The following PLXDC1 variants were observed in gnomAD, a reference collection of about 807,000 sequenced individuals.
PLXDC1 encodes the protein plexin domain-containing protein 1.
PLXDC1 carries 39 observed loss-of-function variants against 61.3 expected under a neutral mutation model. That is an observed-to-expected ratio of 0.64 (90% confidence interval 0.49 to 0.83). The LOEUF (loss-of-function observed/expected upper bound fraction) is 0.83. Ranked by LOEUF, PLXDC1 falls within the 40% of genes least tolerant of loss-of-function variation. The pLI is 0.00. For missense variants in PLXDC1, 596 were observed against 666.5 expected (o/e 0.89, Z 1.17); for synonymous variants, 212 against 254.5 (o/e 0.83, Z 1.59).
At chr17:39,132,481 T>C (rs2143880990) in intron 2 of PLXDC1, among the ~76,000 whole-genome samples, 1 of 152,204 alleles carries the variant, frequency 6.6e-6, no homozygotes, top group African/African-American at 2.4e-5. Flanking sequence ...TCCACTGTGA[T>C]GTGGTGGTAG....
chr17:39,114,233 C>T (rs1231669074), intron 2 of PLXDC1, among the ~76,000 whole-genome samples: 1 of 152,188 alleles, frequency 6.6e-6, no homozygotes, highest in African/African-American at 2.4e-5. Context: ...TCCTTCCCCA[C>T]GTGTGGTGGT....
At chr17:39,080,094 A>T (rs1909497212) in intron 9 of PLXDC1, 1 of 154,784 alleles carries the variant, frequency 6.5e-6, no homozygotes, top group Non-Finnish European at 1.4e-5. Flanking sequence ...AGGATTAGGA[A>T]GGCTATTGGA....
intron 13 of PLXDC1, 108 bp from the exon 14 acceptor site, chr17:39,068,067 G>A (rs1908965043): frequency 9.7e-7 from 1 of 1,026,150 alleles, no homozygotes; most frequent in Non-Finnish European, 1.4e-6. Context: ...AAGGGCCCTG[G>A]GGCACTTGGG....
At chr17:39,083,678 TC>T in intron 8 of PLXDC1, 138 bp from the exon 9 acceptor site, 1 of 696,746 alleles carries the variant, frequency 1.4e-6, no homozygotes, top group Non-Finnish European at 2.6e-6. Context: ...TAATGCCACC[TC>T]CCTTGGTCCA....
chr17:39,151,385 G>A lies in PLXDC1; in HGVS notation c.53C>T (p.Ala18Val). 7.7e-7 allele frequency: 1 copy of A among 1,292,730 alleles called. No homozygotes were observed. The highest frequency in any genetic ancestry group is 9.8e-7 in the Non-Finnish European group (1 of 1,018,926). The allele number at this position is 1,292,730 out of a possible 1,614,324, so 80.1% of individuals were successfully genotyped here. ...LVLVLREAAR[A>V]LSPQPGAGHD... ...ACCTGCTCCGGGCTGGGGGCTCAGCGCCCGGGCAGCCTCCCTGAGCACCAG... is the reference window on the plus strand; with the variant it reads ...ACCTGCTCCGGGCTGGGGGCTCAGCACCCGGGCAGCCTCCCTGAGCACCAG... The change falls in exon 1 of 14, where the codon GCG becomes GTG. Residue 18 changes from alanine to valine, a missense_variant. Transcript: ENST00000315392. The surrounding 1 kb of genome is among the most constrained non-coding windows in gnomAD (Gnocchi z 5.2).
chr17:39,142,471 C>A (rs528243260), intron 1 of PLXDC1, among the ~76,000 whole-genome samples: 1 of 152,154 alleles, frequency 6.6e-6, no homozygotes, highest in Non-Finnish European at 1.5e-5. Context: ...CTGGAGGTTG[C>A]GAAATGGCTT....
At chr17:39,105,242 G>A (rs767821488) in intron 7 of PLXDC1, among the ~76,000 whole-genome samples, 26 of 152,302 alleles carry the variant, frequency 1.7e-4, no homozygotes, top group Non-Finnish European at 8.8e-5. Context: ...TGCCTGCCGC[G>A]CTCCCCAGGA....
chr17:39,106,275 G>C (rs1055348422), intron 6 of PLXDC1, among the ~76,000 whole-genome samples: 4 of 151,618 alleles, frequency 2.6e-5, no homozygotes, highest in African/African-American at 9.7e-5. Context: ...AACCTGCTAA[G>C]TGGCTCTCAA....
At chr17:39,100,170 T>C (rs528938647) in intron 7 of PLXDC1, among the ~76,000 whole-genome samples, 15 of 152,252 alleles carry the variant, frequency 9.9e-5, no homozygotes, top group East Asian at 9.6e-4. Context: ...ATGAAAGCTC[T>C]GAAGCCGGTC....
At chr17:39,084,190 A>AT (rs946013483) in intron 8 of PLXDC1, among the ~76,000 whole-genome samples, 7 of 152,208 alleles carry the variant, frequency 4.6e-5, no homozygotes, top group African/African-American at 1.2e-4. Context: ...GTTGAAAGGG[A>AT]TTTTTTAAAG....
intron 7 of PLXDC1, among the ~76,000 whole-genome samples, chr17:39,091,845 G>C (rs1909962791): frequency 6.6e-6 from 1 of 151,504 alleles, no homozygotes; most frequent in Non-Finnish European, 1.5e-5. Context: ...TGTAATCCCA[G>C]CTACTTGGGA....
At chr17:39,088,048 T>A (rs566540122) in intron 7 of PLXDC1, among the ~76,000 whole-genome samples, 1 of 152,286 alleles carries the variant, frequency 6.6e-6, no homozygotes, top group African/African-American at 2.4e-5. Flanking sequence ...AGCTCATCCT[T>A]GCAGATCTAG....
intron 2 of PLXDC1, among the ~76,000 whole-genome samples, chr17:39,115,691 AGG>A (rs1910944612): frequency 6.6e-6 from 1 of 152,308 alleles, no homozygotes; most frequent in African/African-American, 2.4e-5. Flanking sequence ...AGGAAGGAGA[AGG>A]GAAGCTGGCA....
At position 39,063,647 on chromosome 17, in the gene PLXDC1, G is replaced by A. The variant is rs1471979795; in HGVS notation, c.*4193C>T. ...AATGCTTCCTTTTATTATTAACACT[G>A]AGAATCCATGCAGAGAGTTTACACT... On this transcript the variant is annotated 3_prime_UTR_variant, in exon 14 of 14. Transcript: ENST00000315392. 1.6e-6 allele frequency: 1 copy of A among 610,602 alleles called. No homozygotes were observed. Among genetic ancestry groups the A allele is most frequent in the East Asian group, 2.8e-5 (1 of 36,114 alleles). The allele number at this position is 610,602 out of a possible 1,614,324, so 37.8% of individuals were successfully genotyped here.
chr17:39,069,770 G>A (rs1909038588), intron 13 of PLXDC1, 86 bp downstream of exon 13: 3 of 1,012,552 alleles, frequency 3.0e-6, no homozygotes, highest in South Asian at 2.8e-5. Context: ...AGGGGAGAGG[G>A]AGAAGGGGAG....
At chr17:39,109,080 AG>A (rs1248919380) in intron 3 of PLXDC1, 107 bp from the exon 4 acceptor site, 1 of 1,255,728 alleles carries the variant, frequency 8.0e-7, no homozygotes, top group Non-Finnish European at 1.1e-6. Flanking sequence ...AGGCATGCCC[AG>A]GGCCACTGCT....
At chr17:39,090,794 C>T (rs1909920088) in intron 7 of PLXDC1, among the ~76,000 whole-genome samples, 1 of 152,222 alleles carries the variant, frequency 6.6e-6, no homozygotes, top group Non-Finnish European at 1.5e-5. Flanking sequence ...CCTCAAAGTC[C>T]ACCTTAAGCA....
chr17:39,133,020 C>T (rs1911616018), intron 2 of PLXDC1, among the ~76,000 whole-genome samples: 1 of 152,142 alleles, frequency 6.6e-6, no homozygotes, highest in African/African-American at 2.4e-5. Flanking sequence ...CCCCTTCCCG[C>T]CACTCTCCTC....
chr17:39,147,755 C>CTG (rs1005483782), intron 1 of PLXDC1, among the ~76,000 whole-genome samples: 3 of 152,144 alleles, frequency 2.0e-5, no homozygotes, highest in African/African-American at 7.2e-5. Context: ...AGTCTGGGAT[C>CTG]TGTGCCACCT....
Sources: gnomAD v4.1 joint callset for allele counts (sites outside exome capture counted in the v4.1 genomes callset) on GRCh38, gnomAD v4.1.1 for gene constraint, Gnocchi (gnomAD v3.1) non-coding constraint, MANE v1.5 for transcripts, NCBI Gene and HGNC (gene_info 2026-07-23, HGNC 2026-07-21) for gene names.